The following CHML variants were observed in gnomAD, a reference collection of about 807,000 sequenced individuals.
The protein encoded by CHML is rab proteins geranylgeranyltransferase component A 2.
In CHML, 20 loss-of-function variants were observed where a neutral mutation model predicts 30.4. The ratio of observed to expected loss-of-function variants is 0.66; its 90% CI spans 0.46 to 0.95. The LOEUF (loss-of-function observed/expected upper bound fraction) is 0.95. CHML is among the 40% of genes least tolerant of loss of function. The probability of loss-of-function intolerance (pLI) is 0.00; values close to 1 mark genes in which losing one functional copy is unlikely to be tolerated. For missense variants in CHML, 795 were observed against 768.5 expected, an observed-to-expected ratio of 1.03 and a Z score of -0.41; for synonymous variants, 281 against 275.0, an observed-to-expected ratio of 1.02 and a Z score of -0.22.
chr1:241,629,922 T>C lies in CHML; in HGVS notation c.*3874A>G, dbSNP rs1176112665. 1 of 151,952 alleles carries C rather than the reference T, an allele frequency of 6.6e-6. No homozygotes were observed. Among genetic ancestry groups the C allele is most frequent in the Non-Finnish European group, 1.5e-5 (1 of 67,906 alleles). The allele number at this position is 151,952 out of a possible 1,614,324, so 9.4% of individuals were successfully genotyped here. On this transcript the variant is annotated 3_prime_UTR_variant, in exon 2 of 2. Transcript: ENST00000366553. ...TTTGGAGAGCAAGGCTCCCATTTTT[T>C]CCCCCTAAATTAAAAAAACTTACAT... is the stretch of plus-strand genomic sequence containing the variant.
chr1:241,639,774 A>T (rs1270571023), intron 1 of CHML, 108 bp downstream of exon 1: 9 of 1,045,142 alleles, frequency 8.6e-6, no homozygotes, highest in Non-Finnish European at 1.1e-5. Flanking sequence ...CGCGGGGCCG[A>T]GCGGGAAGCG....
intron 1 of CHML, among the ~76,000 whole-genome samples, chr1:241,638,094 C>T (rs186606764): frequency 0.018 from 2,741 of 152,270 alleles, 38 homozygotes; most frequent in Non-Finnish European, 0.028. Context: ...ACTTGCCCCC[C>T]AGGGCTTAAG....
rs781174194 is a variant in CHML at position 241,632,627 on chromosome 1, A to G, written c.*1169T>C. 3.3e-5 allele frequency: 5 copies of G among 152,158 alleles called. No individual in the cohort carries two copies. Among genetic ancestry groups the G allele is most frequent in the African/African-American group, 4.8e-5 (2 of 41,450 alleles). 9.4% of individuals were successfully genotyped at this position (152,158 alleles called of 1,614,324 possible). On this transcript the variant is annotated 3_prime_UTR_variant, in exon 2 of 2. Coordinates refer to ENST00000366553, the MANE Select transcript of CHML (RefSeq NM_001381853.1). The stretch of plus-strand genomic sequence containing the variant: ...GAGAAAAAAAGTTTCTATACTCTGG[A>G]TAACAGCTAAGAGGCAAGAGAGATT...
At position 241,635,208 on chromosome 1, in the gene CHML, A is replaced by G; in HGVS notation, c.559T>C (p.Cys187Arg). The change falls in exon 2 of 2, where the codon TGT becomes CGT. Residue 187 changes from cysteine (C) to arginine (R), a missense_variant. Transcript: ENST00000366553. ...TCTTTATCTGAAACTGTGTGCATAC[A>G]AGTTTTATCTCCACAATACTTTTCC... The part of the protein sequence containing the change: ...EKEKYCGDKT[C>R]MHTVSDKDGD... 6.2e-7 allele frequency: 1 copy of G among 1,613,340 alleles called. No individual in the cohort carries two copies. The highest frequency in any genetic ancestry group is 8.5e-7 in the Non-Finnish European group (1 of 1,179,914).
At position 241,632,901 on chromosome 1, in the gene CHML, C is replaced by A. The variant is rs899344201; in HGVS notation, c.*895G>T. The A allele has an allele frequency of 1.3e-5, 2 of 152,058 alleles. No homozygotes were observed. The highest frequency in any genetic ancestry group is 2.9e-5 in the Non-Finnish European group (2 of 67,986). The allele number at this position is 152,058 out of a possible 1,614,324, so 9.4% of individuals were successfully genotyped here. A position where few individuals can be genotyped will look rare whatever the true frequency, so the allele number is the denominator to read the frequency against. On this transcript the variant is annotated 3_prime_UTR_variant, in exon 2 of 2. Coordinates refer to ENST00000366553, the MANE Select transcript of CHML (RefSeq NM_001381853.1). ...TTCTCCTTAGGAATTCCTAAGAATT[C>A]CTCCTTAGGAATTTCAGAACAGCCC...
In CHML at chr1:241,634,291, T is replaced by A. The variant is rs1410852202; in HGVS notation, c.1476A>T (p.Thr492=). ...AEPGACAVRV[T]ELCSSTMTCM... is the part of the protein sequence containing the mutation. The stretch of plus-strand genomic sequence containing the variant: ...ATGTCATGGTTGAAGAACATAATTC[T>A]GTGACCCGTACAGCACAAGCTCCTG... Residue 492 remains threonine (T), a synonymous_variant, in exon 2 of 2, where the codon ACA becomes ACT. Coordinates refer to ENST00000366553, the MANE Select transcript of CHML (RefSeq NM_001381853.1). The A allele has an allele frequency of 1.9e-6, 3 of 1,613,992 alleles. No individual in the cohort carries two copies. The East Asian group carries it at 6.7e-5, about 36-fold the overall frequency.
chr1:241,631,080 G>T lies in CHML; in HGVS notation c.*2716C>A, dbSNP rs1232843260. 1.3e-5 allele frequency: 2 copies of T among 152,016 alleles called. No individual in the cohort carries two copies. Among genetic ancestry groups the T allele is most frequent in the African/African-American group, 2.4e-5 (1 of 41,386 alleles). 9.4% of individuals were successfully genotyped at this position (152,016 alleles called of 1,614,324 possible). On this transcript the variant is annotated 3_prime_UTR_variant, in exon 2 of 2. Coordinates refer to ENST00000366553, the MANE Select transcript of CHML (RefSeq NM_001381853.1). ...AGACATTATTTAAACATTTGAAAAA[G>T]TTCACCAGTAAGTCCATTAGGGTCA...
Position 241,635,476 on chromosome 1 carries a change from T to C in CHML, c.291A>G (p.Gln97=). Residue 97 remains glutamine, a synonymous_variant, in exon 2 of 2, where the codon CAA becomes CAG. Transcript: ENST00000366553. ...ITLRKKDETI[Q]HTEAFCYASQ... ...TGGCGTAGCAAAAAGCTTCTGTGTGTTGAATAGTTTCATCCTTCTTGCGAA... is the reference window on the plus strand; with the variant it reads ...TGGCGTAGCAAAAAGCTTCTGTGTGCTGAATAGTTTCATCCTTCTTGCGAA... 1 of 1,613,900 alleles carries C rather than the reference T, an allele frequency of 6.2e-7. No individual in the cohort carries two copies. The highest frequency in any genetic ancestry group is 1.6e-4 in the Middle Eastern group (1 of 6,062).
At chr1:241,637,042 CCT>C (rs1470979724) in intron 1 of CHML, among the ~76,000 whole-genome samples, 2 of 152,080 alleles carry the variant, frequency 1.3e-5, no homozygotes, top group African/African-American at 4.8e-5. Context: ...TGTGTGATGC[CCT>C]GTGTGGCCAG....
intron 1 of CHML, among the ~76,000 whole-genome samples, chr1:241,637,034 T>G (rs1333502458): frequency 1.3e-5 from 2 of 152,148 alleles, no homozygotes; most frequent in African/African-American, 2.4e-5. Context: ...AAGACATCTG[T>G]GTGATGCCCT....
In CHML at chr1:241,633,916, G is replaced by A. The variant is rs1234120892; in HGVS notation, c.1851C>T (p.Ile617=). 1.2e-6 allele frequency: 2 copies of A among 1,613,772 alleles called. No individual in the cohort carries two copies. Among genetic ancestry groups the A allele is most frequent in the Non-Finnish European group, 1.7e-6 (2 of 1,179,842 alleles). ...CPPPPNPEDI[I]FDGDDKQPEA... ...CTGGCTGCTTATCATCACCATCAAA[G>A]ATAATGTCTTCTGGATTTGGAGGTG... Residue 617 remains isoleucine (I), a synonymous_variant, in exon 2 of 2, where the codon ATC becomes ATT. Coordinates refer to ENST00000366553, the MANE Select transcript of CHML (RefSeq NM_001381853.1).
Position 241,633,587 on chromosome 1 carries a change from T to C in CHML, c.*209A>G. On this transcript the variant is annotated 3_prime_UTR_variant, in exon 2 of 2. Transcript: ENST00000366553. ...AGATTCTGGGTCATATAGCCCATTC[T>C]AAACAAAATGTTCAATAATCAATAA... 1 of 601,504 alleles carries C rather than the reference T, an allele frequency of 1.7e-6. No individual in the cohort carries two copies. Among genetic ancestry groups the C allele is most frequent in the Non-Finnish European group, 2.8e-6 (1 of 352,488 alleles). The allele number at this position is 601,504 out of a possible 1,614,324, so 37.3% of individuals were successfully genotyped here.
At chr1:241,639,220 C>T (rs937538669) in intron 1 of CHML, 7 of 152,190 alleles carry the variant, frequency 4.6e-5, no homozygotes, top group African/African-American at 7.2e-5. Context: ...TAATCTCACC[C>T]AAGATTCTGG....
chr1:241,630,191 TGG>T lies in CHML; in HGVS notation c.*3603_*3604del, dbSNP rs1382628084. The T allele has an allele frequency of 6.6e-6, 1 of 152,052 alleles. No individual in the cohort carries two copies. Among genetic ancestry groups the T allele is most frequent in the African/African-American group, 2.4e-5 (1 of 41,422 alleles). 9.4% of individuals were successfully genotyped at this position (152,052 alleles called of 1,614,324 possible). A position where few individuals can be genotyped will look rare whatever the true frequency, so the allele number is the denominator to read the frequency against. On this transcript the variant is annotated 3_prime_UTR_variant, in exon 2 of 2. Transcript: ENST00000366553. ...AGTGACTTTCCCAAGAGTATACAAC[TGG>T]TAAGTAGTGAAATGAGAACTGTAAT... is the stretch of plus-strand genomic sequence containing the variant.
At position 241,634,255 on chromosome 1, in the gene CHML, G is replaced by T; in HGVS notation, c.1512C>A (p.Asp504Glu). The T allele has an allele frequency of 6.2e-7, 1 of 1,613,920 alleles. No individual in the cohort carries two copies. ...LCSSTMTCMK[D>E]TYLVHLTCSS... ...AACATGTCAAATGTACCAGATAGGT[G>T]TCCTTCATGCATGTCATGGTTGAAG... Residue 504 changes from aspartate (D) to glutamate (E), a missense_variant, in exon 2 of 2, where the codon GAC becomes GAA. By Grantham distance (45) the Asp-to-Glu change is conservative. Transcript: ENST00000366553.
In CHML at chr1:241,635,488, A is replaced by G. The variant is rs1367805153; in HGVS notation, c.279T>C (p.Asp93=). The G allele has an allele frequency of 2.5e-6, 4 of 1,613,898 alleles. No homozygotes were observed. ...AAGCTTCTGTGTGTTGAATAGTTTC[A>G]TCCTTCTTGCGAAGAGTGATGGCTT... ...TEEAITLRKK[D]ETIQHTEAFC... Residue 93 remains aspartate (D), a synonymous_variant, in exon 2 of 2, where the codon GAT becomes GAC. Coordinates refer to ENST00000366553, the MANE Select transcript of CHML (RefSeq NM_001381853.1).
chr1:241,635,870 C>G lies in CHML; in HGVS notation c.-104G>C, dbSNP rs1311561089. On this transcript the variant is annotated 5_prime_UTR_variant, in exon 2 of 2. Coordinates refer to ENST00000366553, the MANE Select transcript of CHML (RefSeq NM_001381853.1). ...TCTGATGTTCCAGTTATCCCAGAAG[C>G]ACTGAAGTTGCAGGTCCTAGCTGTT... 7.5e-6 allele frequency: 9 copies of G among 1,197,514 alleles called. No homozygotes were observed. Among genetic ancestry groups the G allele is most frequent in the Non-Finnish European group, 8.2e-6 (7 of 851,848 alleles). 74.2% of individuals were successfully genotyped at this position (1,197,514 alleles called of 1,614,324 possible).
rs1558446984 is a variant in CHML, at chr1:241,633,533, A to C, written c.*263T>G. The C allele has an allele frequency of 2.2e-6, 1 of 449,060 alleles. No individual in the cohort carries two copies. Among genetic ancestry groups the C allele is most frequent in the African/African-American group, 2.0e-5 (1 of 48,792 alleles). The allele number at this position is 449,060 out of a possible 1,614,324, so 27.8% of individuals were successfully genotyped here. ...ATATGGAACCCTTACATATATACCC[A>C]ATACTAAAATAAAGCTAACTCTGTT... On this transcript the variant is annotated 3_prime_UTR_variant, in exon 2 of 2. Coordinates refer to ENST00000366553, the MANE Select transcript of CHML (RefSeq NM_001381853.1).
Position 241,634,820 on chromosome 1 carries a change from G to A in CHML, c.947C>T (p.Ala316Val). ...TTCTGAAAATGAACACTGCCTGAAA[G>A]CTTGGTATTCATCAGGATGTTGTTC... ...EYEQHPDEYQ[A>V]FRQCSFSEYL... Residue 316 changes from alanine (A) to valine (V), a missense_variant, in exon 2 of 2, where the codon GCT becomes GTT. By Grantham distance (64) the Ala-to-Val change is moderately conservative. Transcript: ENST00000366553. The A allele has an allele frequency of 6.2e-7, 1 of 1,613,426 alleles. No homozygotes were observed. The highest frequency in any genetic ancestry group is 8.5e-7 in the Non-Finnish European group (1 of 1,179,744).
Sources: allele counts gnomAD v4.1 joint callset (sites outside exome capture counted in the v4.1 genomes callset), GRCh38; gene constraint gnomAD v4.1.1; transcripts MANE v1.5; gene names NCBI Gene and HGNC (gene_info 2026-07-23, HGNC 2026-07-21).